The following SMIM21 variants were observed in gnomAD, a reference collection of about 807,000 sequenced individuals.
SMIM21 encodes the protein small integral membrane protein 21, also known as chromosome 18 open reading frame 62.
Under a neutral mutation model 8.6 loss-of-function variants are expected in SMIM21, and 8 were observed. The ratio of observed to expected loss-of-function variants is 0.93; its 90% confidence interval spans 0.55 to 1.68. The LOEUF (loss-of-function observed/expected upper bound fraction) is 1.68, where lower values mean the gene tolerates loss of function less well. Among genes scored for constraint, SMIM21 ranks in the 40% most tolerant of loss-of-function variants. SMIM21 has a pLI of 0.00. For synonymous variants in SMIM21, 43 were observed against 41.7 expected (o/e 1.03, Z -0.12); for missense variants, 132 against 123.0 (o/e 1.07, Z -0.35).
In SMIM21 at chr18:75,427,615, T is replaced by G. The variant is rs771549167; in HGVS notation, c.-52A>C. On this transcript the variant is annotated 5_prime_UTR_variant, in exon 1 of 3. Transcript: ENST00000579022. ...GAGGTCTCCTTGATGACAGCGACTC[T>G]GAGGACACAGAGCTGGTGCTATAAG... The G allele has an allele frequency of 2.8e-5, 43 of 1,528,316 alleles. No homozygotes were observed. The highest frequency in any genetic ancestry group is 3.6e-5 in the Non-Finnish European group (41 of 1,137,116). 94.7% of individuals were successfully genotyped at this position (1,528,316 alleles called of 1,614,324 possible).
At chr18:75,421,921 C>G (rs1007553362) in intron 1 of SMIM21, among the ~76,000 whole-genome samples, 1 of 152,174 alleles carries the variant, frequency 6.6e-6, no homozygotes, top group Non-Finnish European at 1.5e-5. Flanking sequence ...TTAGTATTAT[C>G]ATGCAAGTAA....
At chr18:75,417,511 G>A (rs2024659730) in intron 2 of SMIM21, 1 of 152,242 alleles carries the variant, frequency 6.6e-6, no homozygotes, top group South Asian at 2.1e-4. Flanking sequence ...TGCTAAGGAA[G>A]AGAGAATATA....
intron 1 of SMIM21, among the ~76,000 whole-genome samples, chr18:75,419,857 C>G (rs1181758985): frequency 2.0e-5 from 3 of 152,100 alleles, no homozygotes; most frequent in Non-Finnish European, 4.4e-5. Context: ...TCTCTGGTTG[C>G]AGATTGTGTG....
At chr18:75,424,993 A>G (rs969642552) in intron 1 of SMIM21, among the ~76,000 whole-genome samples, 26 of 152,214 alleles carry the variant, frequency 1.7e-4, no homozygotes, top group African/African-American at 6.3e-4. Context: ...CTGGTAGTGG[A>G]TCAGCTCCCT....
chr18:75,421,783 C>G (rs1391609004), intron 1 of SMIM21, among the ~76,000 whole-genome samples: 1 of 152,160 alleles, frequency 6.6e-6, no homozygotes, highest in Non-Finnish European at 1.5e-5. Flanking sequence ...CACATTTTTA[C>G]AAACCTCTGT....
chr18:75,424,069 A>G (rs1238808145), intron 1 of SMIM21, among the ~76,000 whole-genome samples: 1 of 152,224 alleles, frequency 6.6e-6, no homozygotes, highest in Non-Finnish European at 1.5e-5. Flanking sequence ...TCTTCATTCA[A>G]CAATACAAAG....
Position 75,410,812 on chromosome 18 carries a change from G to A in SMIM21, c.*52C>T, listed in dbSNP as rs370775389. 11 of 1,607,768 alleles carry A rather than the reference G, an allele frequency of 6.8e-6. No homozygotes were observed. The highest frequency in any genetic ancestry group is 9.3e-6 in the Non-Finnish European group (11 of 1,178,034). ...TTTCCTCTTAATTTCTTTTCATCTT[G>A]AGCAGGGGAAATCCATGGTATGAAG... On this transcript the variant is annotated 3_prime_UTR_variant, in exon 3 of 3. Transcript: ENST00000579022.
chr18:75,424,053 G>A (rs2024736380), intron 1 of SMIM21, among the ~76,000 whole-genome samples: 2 of 152,034 alleles, frequency 1.3e-5, no homozygotes, highest in Admixed American at 6.6e-5. Context: ...TGACCATTTT[G>A]TCTCTTCTTC....
intron 1 of SMIM21, among the ~76,000 whole-genome samples, chr18:75,421,578 G>A (rs1257142734): frequency 2.6e-5 from 4 of 152,268 alleles, no homozygotes; most frequent in South Asian, 2.1e-4. Flanking sequence ...TTTCTCTCAC[G>A]TGGAGCTCTG....
chr18:75,425,282 C>T (rs1396570274), intron 1 of SMIM21, among the ~76,000 whole-genome samples: 3 of 152,024 alleles, frequency 2.0e-5, no homozygotes, highest in African/African-American at 7.2e-5. Flanking sequence ...ACTGAGTTTC[C>T]AGTACATAAG....
chr18:75,427,174 G>A (rs2024772878), intron 1 of SMIM21, among the ~76,000 whole-genome samples: 2 of 152,256 alleles, frequency 1.3e-5, no homozygotes, highest in East Asian at 1.9e-4. Flanking sequence ...GTATACTGAT[G>A]TAATGTCAAG....
chr18:75,414,646 C>T (rs532619290), intron 2 of SMIM21, among the ~76,000 whole-genome samples: 7 of 152,276 alleles, frequency 4.6e-5, no homozygotes, highest in East Asian at 1.9e-4. Flanking sequence ...CCAGCTCATC[C>T]GCATCATCCA....
Position 75,410,671 on chromosome 18 carries a change from G to A in SMIM21, c.*193C>T. The stretch of plus-strand genomic sequence containing the variant: ...ATATTCCTGAACAGAAAAAGGAAGA[G>A]TGCCCCTCAAGAACAAAGCAGACAT... On this transcript the variant is annotated 3_prime_UTR_variant, in exon 3 of 3. Transcript: ENST00000579022. The A allele has an allele frequency of 7.3e-7, 1 of 1,378,828 alleles. No homozygotes were observed. The highest frequency in any genetic ancestry group is 9.4e-7 in the Non-Finnish European group (1 of 1,061,784). 85.4% of individuals were successfully genotyped at this position (1,378,828 alleles called of 1,614,324 possible).
At position 75,415,750 on chromosome 18, in the gene SMIM21, C is replaced by T. The variant is rs932672151; in HGVS notation, c.260+3036G>A. On this transcript the variant is annotated intron_variant, in intron 2 of 2. Coordinates refer to ENST00000579022, the MANE Select transcript of SMIM21 (RefSeq NM_001037331.3). ...TATCATTTGTCTACAACTTTATTCA[C>T]TTGAGGTAGCAAAGACATCTTTTCA... Among the ~76,000 whole-genome samples the T allele has an allele frequency of 6.6e-5, 10 of 152,204 alleles. No individual in the cohort carries two copies. The South Asian group carries it at 8.3e-4, about 13-fold the overall frequency.
rs1266089218 is a variant in SMIM21 at position 75,427,655 on chromosome 18, T to A, written c.-92A>T. The A allele has an allele frequency of 7.4e-7, 1 of 1,354,530 alleles. No homozygotes were observed. The allele number at this position is 1,354,530 out of a possible 1,614,324, so 83.9% of individuals were successfully genotyped here. ...GGTGCTATAAGACCTGGTAACTAAG[T>A]TCCCAAGGAGCTTTTCTCTTCTTTG... On this transcript the variant is annotated 5_prime_UTR_variant, in exon 1 of 3. Transcript: ENST00000579022.
chr18:75,420,000 C>G (rs2024692131), intron 1 of SMIM21, among the ~76,000 whole-genome samples: 1 of 152,166 alleles, frequency 6.6e-6, no homozygotes, highest in Admixed American at 6.5e-5. Context: ...CTCCCAGCTC[C>G]CTTCCCCCAA....
chr18:75,420,274 A>C (rs2024695137), intron 1 of SMIM21, among the ~76,000 whole-genome samples: 1 of 152,238 alleles, frequency 6.6e-6, no homozygotes, highest in Non-Finnish European at 1.5e-5. Context: ...GCCTTGAAGA[A>C]TTCAAGAAGG....
At chr18:75,412,913 T>C (rs776343753) in intron 2 of SMIM21, among the ~76,000 whole-genome samples, 1 of 152,224 alleles carries the variant, frequency 6.6e-6, no homozygotes. Flanking sequence ...TCCCCTTGCC[T>C]GTATTTTCAT....
chr18:75,425,555 C>G (rs2024752738), intron 1 of SMIM21, among the ~76,000 whole-genome samples: 1 of 152,192 alleles, frequency 6.6e-6, no homozygotes, highest in South Asian at 2.1e-4. Flanking sequence ...AGAAACGTTA[C>G]CATCATATGA....
Sources: gnomAD v4.1 joint callset for allele counts (sites outside exome capture counted in the v4.1 genomes callset) on GRCh38, gnomAD v4.1.1 for gene constraint, MANE v1.5 for transcripts, NCBI Gene and HGNC (gene_info 2026-07-23, HGNC 2026-07-21) for gene names.